EYS: variants seen among roughly 807,000 people sequenced by gnomAD.
EYS encodes the protein EGF-like photoreceptor maintenance factor.
EYS carries 250 observed loss-of-function variants against 282.1 expected under a neutral mutation model. That is an observed-to-expected ratio of 0.89 (90% CI 0.80 to 0.98). EYS has a LOEUF of 0.98. EYS is among the 50% of genes least tolerant of loss of function. The probability of loss-of-function intolerance (pLI) is 0.00; values close to 1 mark genes in which losing one functional copy is unlikely to be tolerated. For synonymous variants in EYS, 1,355 were observed against 1,282.9 expected, an observed-to-expected ratio of 1.06 and a Z score of -1.20; for missense variants, 4,016 against 3,709.0, an observed-to-expected ratio of 1.08 and a Z score of -2.15.
chr6:65,414,932 T>C (rs1322017475), intron 5 of EYS, among the ~76,000 whole-genome samples: 1 of 151,942 alleles, frequency 6.6e-6, no homozygotes, highest in East Asian at 1.9e-4. Context: ...TGCACTTCAG[T>C]GTATAGAAAA....
intron 22 of EYS, among the ~76,000 whole-genome samples, chr6:64,680,926 G>T (rs2149904207): frequency 6.6e-6 from 1 of 152,248 alleles, no homozygotes; most frequent in South Asian, 2.1e-4. Context: ...AAAACCAAAG[G>T]CAATCTTGAT....
intron 26 of EYS, among the ~76,000 whole-genome samples, chr6:64,537,205 T>A: frequency 7.5e-6 from 1 of 133,296 alleles, no homozygotes; most frequent in Non-Finnish European, 1.6e-5. Flanking sequence ...CCCCTTCCTG[T>A]GTCCATGTGA....
chr6:65,253,006 G>T (rs1767366780), intron 12 of EYS, among the ~76,000 whole-genome samples: 1 of 151,924 alleles, frequency 6.6e-6, no homozygotes, highest in African/African-American at 2.4e-5. Context: ...CAAGAAAAGA[G>T]ATGAAAGAAT....
chr6:64,177,623 G>A (rs998459612), intron 31 of EYS, among the ~76,000 whole-genome samples: 6 of 152,046 alleles, frequency 3.9e-5, no homozygotes, highest in African/African-American at 1.4e-4. Context: ...ATCAAATAAT[G>A]TTTACTGAGG....
At chr6:65,524,434 GTGGTACCA>G (rs1045739866) in intron 2 of EYS, among the ~76,000 whole-genome samples, 20 of 152,282 alleles carry the variant, frequency 1.3e-4, no homozygotes, top group African/African-American at 4.8e-4. Flanking sequence ...GTAACAGTGA[GTGGTACCA>G]CTTTCATTTC....
chr6:65,204,285 G>A (rs1765973105), intron 12 of EYS, among the ~76,000 whole-genome samples: 1 of 151,378 alleles, frequency 6.6e-6, no homozygotes, highest in African/African-American at 2.4e-5. Flanking sequence ...CAACATGAAA[G>A]AACTAATCTT....
intron 12 of EYS, among the ~76,000 whole-genome samples, chr6:65,092,732 A>G (rs997781484): frequency 3.9e-5 from 6 of 152,148 alleles, no homozygotes; most frequent in Non-Finnish European, 8.8e-5. Flanking sequence ...TGAATTGACT[A>G]CTTACAGCGC....
chr6:65,541,636 C>CT lies in EYS; in HGVS notation c.-332-45644dup, dbSNP rs528543222. On this transcript the variant is annotated intron_variant, in intron 2 of 42. Transcript: ENST00000503581. ...TATCTGCCTTTCCAAGATTTAATCA[C>CT]TAGATGCATAACATTTTTCCCCAAG... Among the ~76,000 whole-genome samples the CT allele has an allele frequency of 7.9e-4, 119 of 150,986 alleles. 5 individuals carry two copies. The highest frequency in any genetic ancestry group is 7.6e-3 in the Admixed American group (114 of 15,072).
At chr6:65,368,020 G>A (rs1679692276) in intron 8 of EYS, among the ~76,000 whole-genome samples, 1 of 151,506 alleles carries the variant, frequency 6.6e-6, no homozygotes, top group East Asian at 1.9e-4. Flanking sequence ...GAAAGCCTCA[G>A]GAAACTTACA....
At chr6:64,779,370 T>C (rs1773786809) in intron 22 of EYS, among the ~76,000 whole-genome samples, 1 of 151,982 alleles carries the variant, frequency 6.6e-6, no homozygotes, top group Non-Finnish European at 1.5e-5. Flanking sequence ...CCCATATGGC[T>C]AAGTGAGGAA....
intron 14 of EYS, among the ~76,000 whole-genome samples, chr6:64,953,824 C>T (rs1769594793): frequency 6.6e-6 from 1 of 151,790 alleles, no homozygotes; most frequent in Non-Finnish European, 1.5e-5. Context: ...TAGAAAAACA[C>T]AATTTCTTTT....
chr6:64,421,860 G>GTGTGTGTGTGTGTGTGT, intron 28 of EYS, among the ~76,000 whole-genome samples: 1 of 138,268 alleles, frequency 7.2e-6, no homozygotes, highest in South Asian at 2.4e-4. Context: ...TTGTTTGGGG[G>GTGTGTGTGTGTGTGTGT]GTGTGTGTGT....
intron 12 of EYS, among the ~76,000 whole-genome samples, chr6:65,213,309 G>C (rs1350750972): frequency 1.3e-5 from 2 of 152,092 alleles, no homozygotes; most frequent in Non-Finnish European, 2.9e-5. Flanking sequence ...CTTCAAAGTT[G>C]TTTTTAGGTA....
At chr6:65,057,860 C>CCA (rs1773463595) in intron 12 of EYS, 133 bp from the exon 13 acceptor site, 1 of 646,522 alleles carries the variant, frequency 1.5e-6, no homozygotes, top group Non-Finnish European at 2.8e-6. Context: ...GATAAGAATG[C>CCA]CACATATATT....
At chr6:65,297,292 G>A (rs1243677349) in intron 11 of EYS, among the ~76,000 whole-genome samples, 1 of 151,778 alleles carries the variant, frequency 6.6e-6, no homozygotes, top group Non-Finnish European at 1.5e-5. Flanking sequence ...ATGTCAATGG[G>A]CTGAGAAAAG....
intron 11 of EYS, among the ~76,000 whole-genome samples, chr6:65,333,908 A>C (rs1280616088): frequency 6.7e-6 from 1 of 148,984 alleles, no homozygotes; most frequent in Admixed American, 6.7e-5. Context: ...ATGCAGTTTG[A>C]ATGATATTTT....
intron 37 of EYS, among the ~76,000 whole-genome samples, chr6:63,794,313 A>G (rs1472133540): frequency 2.0e-5 from 3 of 152,162 alleles, no homozygotes; most frequent in African/African-American, 4.8e-5. Context: ...AAAGTCTGGG[A>G]AGCAGGCATT....
chr6:63,741,588 T>C (rs960005012), intron 41 of EYS, among the ~76,000 whole-genome samples: 4 of 152,216 alleles, frequency 2.6e-5, no homozygotes, highest in African/African-American at 9.6e-5. Context: ...TTGAAAGGGC[T>C]GAACTTGGTA....
chr6:65,554,790 A>C (rs983071929), intron 2 of EYS, among the ~76,000 whole-genome samples: 16 of 152,200 alleles, frequency 1.1e-4, no homozygotes, highest in Admixed American at 2.0e-4. Flanking sequence ...AATTACAGAA[A>C]GCAATGTCTA....
Sources: allele counts gnomAD v4.1 joint callset (sites outside exome capture counted in the v4.1 genomes callset), GRCh38; gene constraint gnomAD v4.1.1; transcripts MANE v1.5; gene names NCBI Gene and HGNC (gene_info 2026-07-23, HGNC 2026-07-21).